Variants in EPB41L4A observed in about 807,000 individuals in gnomAD.
EPB41L4A encodes the protein band 4.1-like protein 4A.
In EPB41L4A, 100 loss-of-function variants were observed where a neutral mutation model predicts 108.6. That is an observed-to-expected ratio of 0.92 (90% CI 0.78 to 1.09). The LOEUF (loss-of-function observed/expected upper bound fraction) is 1.09. Ranked by LOEUF, EPB41L4A falls within the 50% of genes least tolerant of loss-of-function variation. The pLI is 0.00. For missense variants in EPB41L4A, 1,030 were observed against 842.7 expected, an observed-to-expected ratio of 1.22 and a Z score of -2.75; for synonymous variants, 319 against 289.0, an observed-to-expected ratio of 1.10 and a Z score of -1.05.
At position 112,241,783 on chromosome 5, in the gene EPB41L4A, C is replaced by T. The variant is rs184473140; in HGVS notation, c.796-973G>A. 3.4e-3 allele frequency among the ~76,000 whole-genome samples: 512 copies of T among 152,144 alleles called. 9 individuals are homozygous for T. The highest frequency in any genetic ancestry group is 6.8e-3 in the Middle Eastern group (2 of 294). On this transcript the variant is annotated intron_variant, in intron 9 of 22. Transcript: ENST00000261486. ...GCTGAGGAACAACTGTACAAGCATACCTTGGAGATACTATAGGTTCAGCTG... is the reference window on the plus strand; with the variant it reads ...GCTGAGGAACAACTGTACAAGCATATCTTGGAGATACTATAGGTTCAGCTG...
intron 15 of EPB41L4A, among the ~76,000 whole-genome samples, chr5:112,197,378 C>T (rs1762014574): frequency 1.3e-5 from 2 of 152,156 alleles, no homozygotes; most frequent in African/African-American, 4.8e-5. Context: ...TCCTCCAACA[C>T]ACTTATATCA....
At chr5:112,394,422 C>T (rs969036566) in intron 1 of EPB41L4A, among the ~76,000 whole-genome samples, 8 of 152,270 alleles carry the variant, frequency 5.3e-5, no homozygotes, top group African/African-American at 1.7e-4. Context: ...GTGCAAAAAT[C>T]AAAACCATTC....
intron 18 of EPB41L4A, among the ~76,000 whole-genome samples, chr5:112,180,478 A>T (rs1249698406): frequency 1.3e-5 from 2 of 152,208 alleles, no homozygotes; most frequent in Non-Finnish European, 2.9e-5. Context: ...CTTTTCAAAA[A>T]TGGTGGTGGA....
intron 1 of EPB41L4A, among the ~76,000 whole-genome samples, chr5:112,325,151 G>A (rs1756062463): frequency 6.6e-6 from 1 of 151,704 alleles, no homozygotes. Flanking sequence ...CAATTAAAAA[G>A]AGAGTCAGGG....
At position 112,291,939 on chromosome 5, in the gene EPB41L4A, G is replaced by T. The variant is rs142220981; in HGVS notation, c.205-11616C>A. On this transcript the variant is annotated intron_variant, in intron 2 of 22. Transcript: ENST00000261486. ...TGGGAACTCCAACTTGAAGCCAGTT[G>T]GTCAGAAGTTCCACAGGCCTCGGCC... Among the ~76,000 whole-genome samples, 15 of 152,318 alleles carry T rather than the reference G, an allele frequency of 9.8e-5. No individual in the cohort carries two copies. In the East Asian group the frequency reaches 2.9e-3, roughly 29 times the overall value.
At chr5:112,345,403 C>T (rs1757574879) in intron 1 of EPB41L4A, among the ~76,000 whole-genome samples, 1 of 151,828 alleles carries the variant, frequency 6.6e-6, no homozygotes, top group African/African-American at 2.4e-5. Context: ...TATTTAATGA[C>T]ACTTAGATAT....
intron 2 of EPB41L4A, among the ~76,000 whole-genome samples, chr5:112,291,052 C>G (rs1191459041): frequency 6.6e-6 from 1 of 152,204 alleles, no homozygotes; most frequent in Non-Finnish European, 1.5e-5. Context: ...CCCCTACTCC[C>G]CTAATGTCTC....
At chr5:112,219,591 A>C (rs1362453458) in intron 12 of EPB41L4A, among the ~76,000 whole-genome samples, 2 of 152,214 alleles carry the variant, frequency 1.3e-5, no homozygotes, top group Non-Finnish European at 2.9e-5. Flanking sequence ...AAAGCTCTAA[A>C]TGTAAAAAAT....
At chr5:112,232,527 G>A (rs1193560430) in intron 12 of EPB41L4A, among the ~76,000 whole-genome samples, 2 of 152,200 alleles carry the variant, frequency 1.3e-5, no homozygotes, top group Admixed American at 1.3e-4. Context: ...AACAAGAGGA[G>A]GGGAACTAGA....
At chr5:112,264,869 A>G (rs373851618) in intron 6 of EPB41L4A, 27 bp downstream of exon 6, 6 of 1,598,492 alleles carry the variant, frequency 3.8e-6, no homozygotes, top group Non-Finnish European at 5.1e-6. Context: ...TGGATGATGC[A>G]ATAAGACATG....
intron 1 of EPB41L4A, among the ~76,000 whole-genome samples, chr5:112,412,140 T>C (rs147271811): frequency 3.3e-5 from 5 of 152,336 alleles, no homozygotes; most frequent in Middle Eastern, 6.8e-3. Context: ...AATTCCTCCT[T>C]TGCCATCTGA....
intron 13 of EPB41L4A, among the ~76,000 whole-genome samples, chr5:112,144,447 A>C (rs923409105): frequency 2.0e-5 from 3 of 152,102 alleles, no homozygotes; most frequent in African/African-American, 7.2e-5. Context: ...CACCACACTC[A>C]GCTAATTTTT....
chr5:112,218,395 T>C (rs1229149837), intron 12 of EPB41L4A, among the ~76,000 whole-genome samples: 1 of 152,102 alleles, frequency 6.6e-6, no homozygotes, highest in Middle Eastern at 3.2e-3. Flanking sequence ...GTGATACGAG[T>C]TTGAGGGAAG....
chr5:112,379,330 A>G (rs1362104774), intron 1 of EPB41L4A, among the ~76,000 whole-genome samples: 4 of 152,350 alleles, frequency 2.6e-5, no homozygotes, highest in Non-Finnish European at 5.9e-5. Flanking sequence ...AAATCCCTTC[A>G]TTACAAAATA....
chr5:112,305,308 T>TA (rs1423312699), intron 2 of EPB41L4A, among the ~76,000 whole-genome samples: 1 of 152,096 alleles, frequency 6.6e-6, no homozygotes, highest in African/African-American at 2.4e-5. Context: ...ATGATGGTGG[T>TA]AATAATGGAG....
At chr5:112,334,326 G>A (rs907306258) in intron 1 of EPB41L4A, among the ~76,000 whole-genome samples, 2 of 152,046 alleles carry the variant, frequency 1.3e-5, no homozygotes, top group African/African-American at 4.8e-5. Flanking sequence ...CTCTTGTGGG[G>A]GAAATTTACA....
intron 12 of EPB41L4A, among the ~76,000 whole-genome samples, chr5:112,153,594 G>A (rs1759549751): frequency 6.7e-6 from 1 of 148,796 alleles, no homozygotes; most frequent in African/African-American, 2.5e-5. Flanking sequence ...GAGAGAGAGA[G>A]AGAGCAAAAA....
chr5:112,157,592 T>C (rs1439092452), intron 12 of EPB41L4A, among the ~76,000 whole-genome samples: 1 of 152,202 alleles, frequency 6.6e-6, no homozygotes, highest in Non-Finnish European at 1.5e-5. Context: ...TTGTGGCCCC[T>C]TCCTACATCT....
intron 1 of EPB41L4A, among the ~76,000 whole-genome samples, chr5:112,393,720 T>C (rs912702232): frequency 2.6e-5 from 4 of 152,054 alleles, no homozygotes; most frequent in African/African-American, 9.7e-5. Context: ...AAAAGAGGGA[T>C]TCCTCCCTAA....
Sources: allele counts gnomAD v4.1 joint callset (sites outside exome capture counted in the v4.1 genomes callset), GRCh38; gene constraint gnomAD v4.1.1; transcripts MANE v1.5; gene names NCBI Gene and HGNC (gene_info 2026-07-23, HGNC 2026-07-21).